The following ZNF44 variants were observed in gnomAD, a reference collection of about 807,000 sequenced individuals.
ZNF44 encodes the protein zinc finger protein 44, also known as gonadotropin inducible transcription repressor-2.
A neutral mutation model predicts 11.7 loss-of-function variants in ZNF44; 9 were observed. The ratio of observed to expected loss-of-function variants is 0.77; its 90% CI spans 0.46 to 1.35. ZNF44 has a LOEUF of 1.35. ZNF44 is among the 40% of genes most tolerant of loss of function. The pLI, the probability that ZNF44 is intolerant of heterozygous loss-of-function variation, is 0.00. For synonymous variants in ZNF44, 224 were observed against 242.7 expected (o/e 0.92, Z 0.72); for missense variants, 696 against 743.1 (o/e 0.94, Z 0.74).
At chr19:12,288,771 A>ATGT (rs1253278392) in intron 1 of ZNF44, among the ~76,000 whole-genome samples, 71 of 38,362 alleles carry the variant, frequency 1.9e-3, no homozygotes, top group African/African-American at 0.011. Context: ...AAAAAAAAAA[A>ATGT]ATGTATATAT....
chr19:12,261,215 G>C (rs535321169), intron 5 of ZNF44, among the ~76,000 whole-genome samples: 4 of 152,266 alleles, frequency 2.6e-5, no homozygotes, highest in African/African-American at 4.8e-5. Context: ...GCCCATGACA[G>C]AGGAAGGATG....
At chr19:12,266,163 G>C in intron 5 of ZNF44, 1 of 760,498 alleles carries the variant, frequency 1.3e-6, no homozygotes. Context: ...TGTGCCATGG[G>C]GACTAGAGCC....
At position 12,273,716 on chromosome 19, in the gene ZNF44, G is replaced by A. The variant is rs1342456953; in HGVS notation, c.539C>T (p.Ser180Phe). 2 of 1,614,084 alleles carry A rather than the reference G, an allele frequency of 1.2e-6. No homozygotes were observed. The highest frequency in any genetic ancestry group is 2.7e-5 in the African/African-American group (2 of 75,036). The change falls in exon 4 of 4, where the codon TCT becomes TTT. Residue 180 changes from serine to phenylalanine, a missense_variant. Physicochemically the swap from Ser to Phe is radical, Grantham distance 155. Coordinates refer to ENST00000355684, the MANE Select transcript of ZNF44 (RefSeq NM_016264.4). ...CATATGTCTTCGAAGGTTTCCAGGAGAACTGAAGGTTTTTCCACATTCCTT... is the reference window on the plus strand; with the variant it reads ...CATATGTCTTCGAAGGTTTCCAGGAAAACTGAAGGTTTTTCCACATTCCTT... ...DCKECGKTFS[S>F]PGNLRRHMVV...
rs763273957 is a variant in ZNF44 at position 12,272,828 on chromosome 19, T to C, written c.1427A>G (p.Tyr476Cys). 25 of 1,614,036 alleles carry C rather than the reference T, an allele frequency of 1.5e-5. 2 individuals are homozygous for C. In the South Asian group the frequency reaches 2.5e-4, roughly 16 times the overall value. Residue 476 changes from tyrosine (Y) to cysteine (C), a missense_variant, in exon 4 of 4, where the codon TAT becomes TGT. Physicochemically the swap from Tyr to Cys is radical, Grantham distance 194 (BLOSUM62 -2). Coordinates refer to ENST00000355684, the MANE Select transcript of ZNF44 (RefSeq NM_016264.4). ...TGCTTTCCCACACTCCTTACATTCA[T>C]AAGGCTCCTCTTCACTGTGTGTTGT... is the stretch of plus-strand genomic sequence containing the variant. ...HETTHSEEEP[Y>C]ECKECGKAFS...
chr19:12,294,201 T>A (rs750734057), intron 1 of ZNF44, among the ~76,000 whole-genome samples: 13 of 152,054 alleles, frequency 8.5e-5, no homozygotes, highest in Non-Finnish European at 1.9e-4. Context: ...TTTCTTCACC[T>A]CCAGTCCCAA....
chr19:12,281,847 T>C (rs1436216685), intron 1 of ZNF44, among the ~76,000 whole-genome samples: 2 of 152,114 alleles, frequency 1.3e-5, no homozygotes, highest in African/African-American at 2.4e-5. Flanking sequence ...ACCTAAGTAA[T>C]ATGAATAGGC....
At chr19:12,234,025 G>A (rs867877044) in intron 2 of ZNF44, among the ~76,000 whole-genome samples, 2 of 150,512 alleles carry the variant, frequency 1.3e-5, no homozygotes, top group Middle Eastern at 6.8e-3. Context: ...TCGCGCTGCT[G>A]CACTCCAGCC....
At chr19:12,278,647 A>C (rs968939797) in intron 1 of ZNF44, among the ~76,000 whole-genome samples, 1 of 151,750 alleles carries the variant, frequency 6.6e-6, no homozygotes, top group East Asian at 1.9e-4. Flanking sequence ...GAATTGCTTG[A>C]GCCTAGGAGG....
chr19:12,288,780 A>ATG (rs2145765732), intron 1 of ZNF44, among the ~76,000 whole-genome samples: 2 of 115,510 alleles, frequency 1.7e-5, no homozygotes, highest in South Asian at 5.5e-4. Flanking sequence ...AAATGTATAT[A>ATG]TATATATATA....
At chr19:12,234,290 A>G (rs1293010807) in intron 2 of ZNF44, among the ~76,000 whole-genome samples, 1 of 152,208 alleles carries the variant, frequency 6.6e-6, no homozygotes, top group Admixed American at 6.5e-5. Context: ...TATGTTATAA[A>G]TACTTCAACA....
intron 1 of ZNF44, among the ~76,000 whole-genome samples, chr19:12,276,753 G>A (rs572458078): frequency 2.2e-4 from 33 of 152,144 alleles, no homozygotes; most frequent in Non-Finnish European, 4.3e-4. Flanking sequence ...AGAGGTGAGT[G>A]GGTCTTGAGG....
At chr19:12,244,049 G>T (rs1369209352), downstream of ZNF44, among the ~76,000 whole-genome samples, 1 of 151,928 alleles carries the variant, frequency 6.6e-6, no homozygotes, top group Non-Finnish European at 1.5e-5. Context: ...TAATTTGTTA[G>T]TTTTTTGAGA....
Position 12,273,265 on chromosome 19 carries a change from C to T in ZNF44, c.990G>A (p.Met330Ile), listed in dbSNP as rs1457713380. ...HLGSFQRHMI[M>I]HSGDGPHKCK... ...ATTTATGAGGTCCATCTCCACTGTGCATTATCATGTGTCTTTGAAAGCTTC... is the reference window on the plus strand; with the variant it reads ...ATTTATGAGGTCCATCTCCACTGTGTATTATCATGTGTCTTTGAAAGCTTC... The change falls in exon 4 of 4, where the codon ATG (methionine) becomes ATA (isoleucine). Residue 330 changes from methionine (M) to isoleucine (I), a missense_variant. Physicochemically the swap from Met to Ile is conservative, Grantham distance 10. Transcript: ENST00000355684. The T allele has an allele frequency of 6.2e-7, 1 of 1,613,678 alleles. No homozygotes were observed. Among genetic ancestry groups the T allele is most frequent in the Non-Finnish European group, 8.5e-7 (1 of 1,179,908 alleles).
chr19:12,248,168 G>A (rs1196314901), exon 8 of ZNF44: 3 of 1,306,278 alleles, frequency 2.3e-6, no homozygotes, highest in South Asian at 2.4e-5. Flanking sequence ...GGCGGTAAAT[G>A]AAGGGTTTCC....
At chr19:12,255,986 G>A (rs968029967) in intron 5 of ZNF44, among the ~76,000 whole-genome samples, 7 of 128,794 alleles carry the variant, frequency 5.4e-5, no homozygotes, top group African/African-American at 2.0e-4. Context: ...GCAGTGAGCC[G>A]AGATCACACC....
chr19:12,244,178 AATT>A (rs1916705530), downstream of ZNF44, among the ~76,000 whole-genome samples: 1 of 151,732 alleles, frequency 6.6e-6, no homozygotes, highest in Admixed American at 6.6e-5. Flanking sequence ...CCCAGCTAAT[AATT>A]TATTTATTTA....
intron 1 of ZNF44, among the ~76,000 whole-genome samples, chr19:12,279,060 A>G (rs1967358602): frequency 6.6e-6 from 1 of 152,206 alleles, no homozygotes; most frequent in East Asian, 1.9e-4. Flanking sequence ...TTTTACTTTT[A>G]GCTTCTAACA....
intron 5 of ZNF44, chr19:12,266,212 G>T: frequency 3.1e-6 from 3 of 980,168 alleles, no homozygotes; most frequent in Non-Finnish European, 3.6e-6. Flanking sequence ...CCCGGGTCCC[G>T]CCACAGCCGG....
intron 1 of ZNF44, among the ~76,000 whole-genome samples, chr19:12,289,770 G>T (rs1353719520): frequency 6.7e-6 from 1 of 149,030 alleles, no homozygotes; most frequent in Non-Finnish European, 1.5e-5. Flanking sequence ...TCAGCCTCCC[G>T]AGTAGCACCC....
Sources: allele counts gnomAD v4.1 joint callset (sites outside exome capture counted in the v4.1 genomes callset), GRCh38; gene constraint gnomAD v4.1.1; transcripts MANE v1.5; gene names NCBI Gene and HGNC (gene_info 2026-07-23, HGNC 2026-07-21).